Variants in LNP1 observed in about 807,000 individuals in gnomAD.
The protein encoded by LNP1 is leukemia NUP98 fusion partner 1.
Under a neutral mutation model 14.5 loss-of-function variants are expected in LNP1, and 12 were observed. That is an observed-to-expected ratio of 0.83 (90% CI 0.53 to 1.34). The LOEUF is 1.34. LNP1 is among the 40% of genes most tolerant of loss of function. The pLI is 0.00. For missense variants in LNP1, 198 were observed against 210.9 expected (o/e 0.94, Z 0.38); for synonymous variants, 75 against 71.4 (o/e 1.05, Z -0.26).
intron 3 of LNP1, among the ~76,000 whole-genome samples, chr3:100,454,610 G>A (rs568422442): frequency 6.6e-6 from 1 of 152,200 alleles, no homozygotes; most frequent in South Asian, 2.1e-4. Flanking sequence ...AAAATTCAGT[G>A]GGCTTCTTTT....
At chr3:100,421,879 A>AT (rs2148901625) in intron 1 of LNP1, among the ~76,000 whole-genome samples, 1 of 152,244 alleles carries the variant, frequency 6.6e-6, no homozygotes, top group South Asian at 2.1e-4. Context: ...ACTTCACATT[A>AT]TTTTTTAACT....
chr3:100,409,777 TAG>T (rs1229722935), intron 1 of LNP1, among the ~76,000 whole-genome samples: 3 of 151,360 alleles, frequency 2.0e-5, no homozygotes, highest in African/African-American at 7.3e-5. Context: ...GTATTTTTAG[TAG>T]AGACGGGGTT....
intron 1 of LNP1, among the ~76,000 whole-genome samples, chr3:100,422,347 C>T (rs1262558060): frequency 6.6e-6 from 1 of 151,998 alleles, no homozygotes; most frequent in Non-Finnish European, 1.5e-5. Flanking sequence ...CCAAGCCCAG[C>T]TAATTTTTTG....
At chr3:100,450,459 G>A (rs897828728) in intron 2 of LNP1, among the ~76,000 whole-genome samples, 3 of 151,256 alleles carry the variant, frequency 2.0e-5, no homozygotes, top group East Asian at 2.0e-4. Context: ...TCAGCCTCCC[G>A]GGTAGCTGGG....
chr3:100,418,811 G>A (rs1321666299), intron 1 of LNP1, among the ~76,000 whole-genome samples: 2 of 152,142 alleles, frequency 1.3e-5, no homozygotes, highest in Non-Finnish European at 2.9e-5. Flanking sequence ...AGAGTTTATG[G>A]TGGCTGGACA....
chr3:100,429,641 G>T, intron 1 of LNP1, 56 bp from the exon 2 acceptor site: 2 of 1,163,608 alleles, frequency 1.7e-6, no homozygotes, highest in South Asian at 3.0e-5. Flanking sequence ...TTTTGGGAGA[G>T]ATCCTGGGTT....
intron 2 of LNP1, among the ~76,000 whole-genome samples, chr3:100,442,724 G>A (rs1707355990): frequency 6.6e-6 from 1 of 152,112 alleles, no homozygotes; most frequent in South Asian, 2.1e-4. Context: ...CTTTAGCTTA[G>A]TGATTTGGGG....
chr3:100,448,951 C>T (rs1707411932), intron 2 of LNP1, among the ~76,000 whole-genome samples: 3 of 152,090 alleles, frequency 2.0e-5, no homozygotes, highest in African/African-American at 7.2e-5. Context: ...TTTAAATTTG[C>T]ATATTAAAGG....
At chr3:100,428,202 A>T (rs1576230765) in intron 1 of LNP1, among the ~76,000 whole-genome samples, 1 of 152,200 alleles carries the variant, frequency 6.6e-6, no homozygotes, top group East Asian at 1.9e-4. Flanking sequence ...GTAAAATGTC[A>T]TACAAATCTC....
chr3:100,402,643 A>AT (rs34360656), intron 1 of LNP1, among the ~76,000 whole-genome samples: 609 of 144,820 alleles, frequency 4.2e-3, no homozygotes, highest in Middle Eastern at 7.1e-3. Flanking sequence ...ACAAGTTAGG[A>AT]TTTTTTTTTT....
chr3:100,416,554 A>C (rs1707085030), intron 1 of LNP1, among the ~76,000 whole-genome samples: 1 of 148,144 alleles, frequency 6.8e-6, no homozygotes. Context: ...AGGCCTTTTC[A>C]ATGGACAGAG....
intron 1 of LNP1, among the ~76,000 whole-genome samples, chr3:100,411,201 T>A (rs1188444159): frequency 6.6e-6 from 1 of 152,246 alleles, no homozygotes; most frequent in Non-Finnish European, 1.5e-5. Context: ...TCTTTGCTAT[T>A]TCTCCCTTTT....
At chr3:100,452,125 T>G (rs1409794640) in intron 3 of LNP1, among the ~76,000 whole-genome samples, 176 bp downstream of exon 3, 2 of 152,100 alleles carry the variant, frequency 1.3e-5, no homozygotes, top group Non-Finnish European at 2.9e-5. Context: ...TAAAGAATAT[T>G]ATTTATAATT....
At chr3:100,403,811 A>G (rs1706937647) in intron 1 of LNP1, among the ~76,000 whole-genome samples, 1 of 152,178 alleles carries the variant, frequency 6.6e-6, no homozygotes, top group Admixed American at 6.5e-5. Flanking sequence ...TGCTTTCTTT[A>G]TAATGTGAGG....
In LNP1 at chr3:100,429,862, A is replaced by G. The variant is rs772104310; in HGVS notation, c.133A>G (p.Arg45Gly). ...ERHRLQATSHRKTSLPCPLPV... is the reference protein window; with the variant it reads ...ERHRLQATSHGKTSLPCPLPV... ...CCACCGACTGCAAGCCACCAGTCAC[A>G]GGAAAACCTCCCTGCCCTGCCCAGT... Residue 45 changes from arginine (R) to glycine (G), a missense_variant, in exon 2 of 4, where the codon AGG becomes GGG. Transcript: ENST00000383693. The G allele has an allele frequency of 1.9e-6, 3 of 1,613,788 alleles. No homozygotes were observed. The highest frequency in any genetic ancestry group is 1.1e-5 in the South Asian group (1 of 91,070).
chr3:100,454,285 A>G (rs1707488031), intron 3 of LNP1, among the ~76,000 whole-genome samples: 1 of 152,212 alleles, frequency 6.6e-6, no homozygotes, highest in South Asian at 2.1e-4. Flanking sequence ...TATAAATTGA[A>G]TATTTTATTT....
At position 100,455,876 on chromosome 3, in the gene LNP1, G is replaced by A. The variant is rs1576239375; in HGVS notation, c.487G>A (p.Glu163Lys). The A allele has an allele frequency of 6.2e-6, 10 of 1,614,000 alleles. No homozygotes were observed. In the East Asian group the frequency reaches 2.2e-4, roughly 36 times the overall value. The change falls in exon 4 of 4, where the codon GAG (glutamate) becomes AAG (lysine). Residue 163 changes from glutamate to lysine, a missense_variant. Physicochemically the swap from Glu to Lys is moderately conservative, Grantham distance 56 (BLOSUM62 1). Coordinates refer to ENST00000383693, the MANE Select transcript of LNP1 (RefSeq NM_001085451.2). ...VEEERSSRKE[E>K]HGEAHMAPLF... ...GGAAGAAAGGAGCTCTAGGAAAGAA[G>A]AGCATGGAGAAGCACACATGGCTCC... is the stretch of plus-strand genomic sequence containing the variant.
chr3:100,434,377 T>C (rs183658617), intron 2 of LNP1, among the ~76,000 whole-genome samples: 3 of 152,312 alleles, frequency 2.0e-5, no homozygotes, highest in African/African-American at 7.2e-5. Flanking sequence ...GGTGGTTATA[T>C]AAGTGTGGTC....
chr3:100,425,737 C>G (rs909752582), intron 1 of LNP1, among the ~76,000 whole-genome samples: 2 of 152,070 alleles, frequency 1.3e-5, no homozygotes, highest in Non-Finnish European at 2.9e-5. Context: ...ATGTAACAAC[C>G]AGAAAAAACA....
Sources: allele counts gnomAD v4.1 joint callset (sites outside exome capture counted in the v4.1 genomes callset), GRCh38; gene constraint gnomAD v4.1.1; transcripts MANE v1.5; gene names NCBI Gene and HGNC (gene_info 2026-07-23, HGNC 2026-07-21).